ABCD3: variants seen among roughly 807,000 people sequenced by gnomAD.
ABCD3 encodes ATP-binding cassette sub-family D member 3.
Under a neutral mutation model 105.5 loss-of-function variants are expected in ABCD3, and 41 were observed. The ratio of observed to expected loss-of-function variants is 0.39; its 90% CI spans 0.30 to 0.50. ABCD3 has a LOEUF of 0.50. Among genes scored for constraint, ABCD3 ranks in the 20% least tolerant of loss-of-function variants. The probability of loss-of-function intolerance (pLI) is 0.84; values close to 1 mark genes in which losing one functional copy is unlikely to be tolerated. For missense variants in ABCD3, 622 were observed against 806.3 expected, an observed-to-expected ratio of 0.77 and a Z score of 2.77; for synonymous variants, 258 against 269.0, an observed-to-expected ratio of 0.96 and a Z score of 0.40.
Position 94,430,811 on chromosome 1 carries a change from A to C in ABCD3, c.110+12223A>C, listed in dbSNP as rs370654729. Among the ~76,000 whole-genome samples the C allele has an allele frequency of 7.9e-5, 12 of 152,340 alleles. No individual in the cohort carries two copies. In the East Asian group the frequency reaches 2.3e-3, roughly 29 times the overall value. On this transcript the variant is annotated intron_variant, in intron 1 of 22. Coordinates refer to ENST00000370214, the MANE Select transcript of ABCD3 (RefSeq NM_002858.4). ...TAGTGAGTAGGCCTACATGTAAAAAAGCTGTTTTAAAATTAAATATGACTT... is the reference window on the plus strand; with the variant it reads ...TAGTGAGTAGGCCTACATGTAAAAACGCTGTTTTAAAATTAAATATGACTT...
In ABCD3 at chr1:94,480,515, C is replaced by G. The variant is rs767729300; in HGVS notation, c.736C>G (p.Arg246Gly). ...GGTTGTTTCTGGGCTATTCCTAACTCGACTTCGAAGACCCATTGGTAAGAT... is the reference window on the plus strand; with the variant it reads ...GGTTGTTTCTGGGCTATTCCTAACTGGACTTCGAAGACCCATTGGTAAGAT... The part of the protein sequence containing the change: ...YLVVSGLFLT[R>G]LRRPIGKMTI... Residue 246 changes from arginine to glycine, a missense_variant, in exon 9 of 23, where the codon CGA becomes GGA. Physicochemically the swap from Arg to Gly is moderately radical, Grantham distance 125. Around this residue, in one of 4 missense-constraint regions of ABCD3, gnomAD observed 245 missense variants for 356.4 expected, o/e 0.69. Coordinates refer to ENST00000370214, the MANE Select transcript of ABCD3 (RefSeq NM_002858.4). 6.2e-7 allele frequency: 1 copy of G among 1,613,778 alleles called. No homozygotes were observed. The highest frequency in any genetic ancestry group is 8.5e-7 in the Non-Finnish European group (1 of 1,179,832).
intron 4 of ABCD3, among the ~76,000 whole-genome samples, chr1:94,472,781 TA>T (rs1019122060): frequency 1.2e-4 from 19 of 152,184 alleles, no homozygotes; most frequent in Admixed American, 5.9e-4. Flanking sequence ...CGTGGGCAGC[TA>T]GGTTTAAACC....
intron 1 of ABCD3, among the ~76,000 whole-genome samples, chr1:94,421,049 A>G (rs1015455680): frequency 2.0e-5 from 3 of 152,100 alleles, no homozygotes; most frequent in Non-Finnish European, 2.9e-5. Context: ...TTTTTCACTC[A>G]GTTAAATCTC....
chr1:94,514,024 A>T (rs1234741435), intron 21 of ABCD3: 2 of 152,024 alleles, frequency 1.3e-5, no homozygotes, highest in South Asian at 2.1e-4. Context: ...CTTGAATCTC[A>T]TGGTAAAAAT....
intron 13 of ABCD3, among the ~76,000 whole-genome samples, chr1:94,489,423 T>C (rs113467003): frequency 2.4e-4 from 37 of 152,168 alleles, no homozygotes; most frequent in African/African-American, 8.9e-4. Context: ...AGTGGTCCTT[T>C]TGTAGTATCC....
chr1:94,483,335 A>G, intron 10 of ABCD3, 96 bp downstream of exon 10: 1 of 879,262 alleles, frequency 1.1e-6, no homozygotes, highest in East Asian at 2.5e-5. Context: ...ACACACACAA[A>G]CACACACGTA....
At chr1:94,507,310 G>A (rs1046075222) in intron 21 of ABCD3, among the ~76,000 whole-genome samples, 22 of 152,290 alleles carry the variant, frequency 1.4e-4, no homozygotes, top group African/African-American at 5.1e-4. Flanking sequence ...TCCCTACAAA[G>A]GACATGAACT....
the ABCD3 span, among the ~76,000 whole-genome samples, chr1:94,394,230 A>G: frequency 1.3e-5 from 2 of 152,296 alleles, no homozygotes; most frequent in South Asian, 2.1e-4. Flanking sequence ...CACAATTAGC[A>G]TAATGTAACC....
intron 10 of ABCD3, among the ~76,000 whole-genome samples, chr1:94,485,050 G>C (rs915965764): frequency 3.3e-5 from 5 of 152,166 alleles, no homozygotes; most frequent in African/African-American, 1.2e-4. Flanking sequence ...ATGAGTGGGT[G>C]TGGCTATGTT....
chr1:94,416,150 A>C (rs1658996227), upstream of ABCD3, among the ~76,000 whole-genome samples: 1 of 152,022 alleles, frequency 6.6e-6, no homozygotes, highest in South Asian at 2.1e-4. Context: ...TACTTCCTTC[A>C]CTGTTACAAA....
the ABCD3 span, among the ~76,000 whole-genome samples, chr1:94,388,560 A>G: frequency 6.6e-6 from 1 of 152,180 alleles, no homozygotes; most frequent in South Asian, 2.1e-4. Flanking sequence ...GAAGCACCCT[A>G]CTTGCCCCAT....
chr1:94,511,990 C>G (rs1351243696), intron 21 of ABCD3, among the ~76,000 whole-genome samples: 1 of 152,160 alleles, frequency 6.6e-6, no homozygotes, highest in East Asian at 1.9e-4. Flanking sequence ...CTTCTCTCAG[C>G]TCGTCAAAGT....
chr1:94,487,272 C>T (rs1416971645), intron 10 of ABCD3, among the ~76,000 whole-genome samples: 1 of 152,112 alleles, frequency 6.6e-6, no homozygotes, highest in Non-Finnish European at 1.5e-5. Flanking sequence ...CTATTGCATG[C>T]AAGAGAAACA....
chr1:94,489,691 GT>G, intron 13 of ABCD3, 33 bp from the exon 14 acceptor site: 3 of 1,475,550 alleles, frequency 2.0e-6, no homozygotes, highest in Non-Finnish European at 2.8e-6. Flanking sequence ...ATAGTCTGGA[GT>G]TTTGATTATG....
intron 1 of ABCD3, chr1:94,419,167 T>C (rs370322353): frequency 1.0e-4 from 47 of 465,222 alleles, no homozygotes; most frequent in African/African-American, 9.8e-4. Context: ...AGGATTGCCG[T>C]CTAAAGTGGT....
chr1:94,446,882 A>G (rs1037553886), intron 1 of ABCD3, among the ~76,000 whole-genome samples: 1 of 152,230 alleles, frequency 6.6e-6, no homozygotes, highest in African/African-American at 2.4e-5. Flanking sequence ...TTCTGTACCT[A>G]TAAATCTGTG....
chr1:94,403,653 A>G, the ABCD3 span, among the ~76,000 whole-genome samples: 9 of 152,158 alleles, frequency 5.9e-5, no homozygotes, highest in Non-Finnish European at 1.0e-4. Context: ...CTATTTCTTC[A>G]ATGGCTTATA....
At chr1:94,434,860 C>T (rs1029033973) in intron 1 of ABCD3, among the ~76,000 whole-genome samples, 1 of 152,198 alleles carries the variant, frequency 6.6e-6, no homozygotes, top group African/African-American at 2.4e-5. Flanking sequence ...CAGCCCCTTT[C>T]CTCTCACCTA....
intron 21 of ABCD3, chr1:94,514,573 G>T (rs1650841823): frequency 6.6e-6 from 1 of 151,828 alleles, no homozygotes; most frequent in African/African-American, 2.4e-5. Context: ...CTTCGCCTAA[G>T]CTAACAAAAG....
Sources: gnomAD v4.1 joint callset for allele counts (sites outside exome capture counted in the v4.1 genomes callset) on GRCh38, gnomAD v4.1.1 for gene constraint, gnomAD v4.1.1 regional missense constraint, MANE v1.5 for transcripts, NCBI Gene and HGNC (gene_info 2026-07-23, HGNC 2026-07-21) for gene names.